GBE1: variants seen among roughly 807,000 people sequenced by gnomAD.
GBE1 encodes the protein 1,4-alpha-glucan branching enzyme 1, also known as 1,4-alpha-glucan-branching enzyme.
A neutral mutation model predicts 88.8 loss-of-function variants in GBE1; 70 were observed. The ratio of observed to expected loss-of-function variants is 0.79; its 90% CI spans 0.65 to 0.96. The LOEUF (loss-of-function observed/expected upper bound fraction) is 0.96. Among genes scored for constraint, GBE1 ranks in the 40% least tolerant of loss-of-function variants. The pLI is 0.00. For synonymous variants in GBE1, 284 were observed against 300.1 expected (o/e 0.95, Z 0.56); for missense variants, 872 against 871.0 (o/e 1.00, Z -0.01).
chr3:81,591,245 T>C lies in GBE1; in HGVS notation c.1109-81A>G. On this transcript the variant is annotated intron_variant, in intron 8 of 15. Coordinates refer to ENST00000429644, the MANE Select transcript of GBE1 (RefSeq NM_000158.4). The stretch of plus-strand genomic sequence containing the variant: ...TGCACAAATACATTCACCAATTAGT[T>C]TGTTTATATGAATTTTGTTATTGTA... 7.2e-6 allele frequency: 8 copies of C among 1,113,158 alleles called. No homozygotes were observed. The South Asian group carries it at 1.5e-4, about 21-fold the overall frequency. 69.0% of individuals were successfully genotyped at this position (1,113,158 alleles called of 1,614,324 possible).
At chr3:81,643,703 C>T (rs1403453719) in intron 6 of GBE1, among the ~76,000 whole-genome samples, 1 of 152,160 alleles carries the variant, frequency 6.6e-6, no homozygotes, top group African/African-American at 2.4e-5. Flanking sequence ...CTTCCTCACT[C>T]GACTATATGC....
intron 6 of GBE1, among the ~76,000 whole-genome samples, chr3:81,646,101 G>A (rs1053007225): frequency 6.6e-6 from 1 of 152,118 alleles, no homozygotes; most frequent in Admixed American, 6.6e-5. Flanking sequence ...GGCTTTCATA[G>A]GAAAAGATTT....
chr3:81,537,979 C>G (rs577724994), intron 12 of GBE1, among the ~76,000 whole-genome samples: 1 of 151,984 alleles, frequency 6.6e-6, no homozygotes, highest in South Asian at 2.1e-4. Flanking sequence ...AGTCATCTAA[C>G]CGATTGGTTT....
chr3:81,694,263 A>G (rs1185256181), intron 2 of GBE1, among the ~76,000 whole-genome samples: 1 of 152,144 alleles, frequency 6.6e-6, no homozygotes, highest in Non-Finnish European at 1.5e-5. Context: ...GGAAAAAGGG[A>G]GGAGAGAAGA....
chr3:81,632,211 G>A (rs1451936564), intron 7 of GBE1, among the ~76,000 whole-genome samples: 2 of 152,106 alleles, frequency 1.3e-5, no homozygotes, highest in African/African-American at 4.8e-5. Flanking sequence ...GTCTAATATT[G>A]ATGGGCATTT....
chr3:81,750,587 A>ATG lies in GBE1; in HGVS notation c.143+10787_143+10788insCA, dbSNP rs1559708533. On this transcript the variant is annotated intron_variant, in intron 1 of 15. Transcript: ENST00000429644. ...TGTATATATATATACGTATATATAT[A>ATG]CGTATATATATATGTGTATATATAT... is the stretch of plus-strand genomic sequence containing the variant. Among the ~76,000 whole-genome samples the ATG allele has an allele frequency of 3.2e-4, 16 of 50,170 alleles. 1 individual carries two copies. Among genetic ancestry groups the ATG allele is most frequent in the African/African-American group, 1.8e-3 (16 of 8,916 alleles). 32.9% of individuals were successfully genotyped at this position (50,170 alleles called of 152,430 possible).
At chr3:81,493,737 T>C (rs1311015564) in intron 15 of GBE1, among the ~76,000 whole-genome samples, 2 of 151,866 alleles carry the variant, frequency 1.3e-5, no homozygotes, top group African/African-American at 4.8e-5. Context: ...GGTTTCTCCA[T>C]GTTGGTAAGG....
chr3:81,707,911 T>G (rs1207798041), intron 1 of GBE1, among the ~76,000 whole-genome samples: 4 of 151,918 alleles, frequency 2.6e-5, no homozygotes, highest in African/African-American at 9.7e-5. Flanking sequence ...TATAAAAATA[T>G]CAAGAATGAT....
intron 1 of GBE1, among the ~76,000 whole-genome samples, chr3:81,721,968 AG>A (rs1429070537): frequency 8.5e-5 from 13 of 152,218 alleles, no homozygotes; most frequent in African/African-American, 2.9e-4. Context: ...TACTTTACTA[AG>A]GGCACTCAGC....
At chr3:81,707,702 T>A (rs191325880) in intron 1 of GBE1, among the ~76,000 whole-genome samples, 1 of 152,092 alleles carries the variant, frequency 6.6e-6, no homozygotes, top group African/African-American at 2.4e-5. Context: ...TTATACTTTT[T>A]AATTTCTTTA....
chr3:81,541,408 C>T (rs1296718110), intron 12 of GBE1, among the ~76,000 whole-genome samples: 1 of 139,166 alleles, frequency 7.2e-6, no homozygotes, highest in African/African-American at 2.8e-5. Context: ...AATTCACATG[C>T]TTATAATCTA....
intron 7 of GBE1, among the ~76,000 whole-genome samples, chr3:81,597,230 G>C (rs1273219879): frequency 6.6e-6 from 1 of 151,610 alleles, no homozygotes; most frequent in Non-Finnish European, 1.5e-5. Context: ...CAGTTGATTA[G>C]AATCTCATAA....
rs559810282 is a variant in GBE1, at chr3:81,559,215, C to T, written c.1618+18710G>A. The stretch of plus-strand genomic sequence containing the variant: ...ACAAAGTAGAACATTTAGTAAAATG[C>T]GAATGCCTAGGCTAGGACTAAAATC... On this transcript the variant is annotated intron_variant, in intron 12 of 15. Coordinates refer to ENST00000429644, the MANE Select transcript of GBE1 (RefSeq NM_000158.4). Among the ~76,000 whole-genome samples, 10 of 151,974 alleles carry T rather than the reference C, an allele frequency of 6.6e-5. No homozygotes were observed. In the South Asian group the frequency reaches 8.3e-4, roughly 13 times the overall value.
At chr3:81,705,701 T>C in intron 1 of GBE1, 88 bp from the exon 2 acceptor site, 1 of 800,590 alleles carries the variant, frequency 1.2e-6, no homozygotes, top group Non-Finnish European at 1.9e-6. Context: ...TTTAGTCTTA[T>C]TCAGGGAAAA....
chr3:81,599,744 AG>A (rs1281987890), intron 7 of GBE1, among the ~76,000 whole-genome samples: 2 of 152,330 alleles, frequency 1.3e-5, no homozygotes, highest in Admixed American at 6.5e-5. Context: ...TTTTCAAACA[AG>A]TTTAAAAAAT....
chr3:81,735,624 CCCAGGGATTAAT>C (rs1176574172), intron 1 of GBE1, among the ~76,000 whole-genome samples: 5 of 152,188 alleles, frequency 3.3e-5, no homozygotes, highest in African/African-American at 1.2e-4. Flanking sequence ...CTGCGGTCCC[CCCAGGGATTAAT>C]CCAGGACCCA....
intron 7 of GBE1, among the ~76,000 whole-genome samples, chr3:81,626,698 C>T (rs1704421199): frequency 6.8e-6 from 1 of 147,660 alleles, no homozygotes; most frequent in Non-Finnish European, 1.5e-5. Flanking sequence ...AGACTAGAGC[C>T]AGATCCTTCA....
chr3:81,519,789 A>T (rs984446029), intron 14 of GBE1, among the ~76,000 whole-genome samples: 10 of 151,532 alleles, frequency 6.6e-5, no homozygotes, highest in Non-Finnish European at 1.3e-4. Context: ...ATCACCAAGA[A>T]GAATTTCTGG....
chr3:81,612,242 A>AAAAAG, intron 7 of GBE1: 1 of 532,362 alleles, frequency 1.9e-6, no homozygotes, highest in Non-Finnish European at 2.9e-6. Flanking sequence ...AAAAAAAAAA[A>AAAAAG]ACTTAAAGAA....
Sources: allele counts gnomAD v4.1 joint callset (sites outside exome capture counted in the v4.1 genomes callset), GRCh38; gene constraint gnomAD v4.1.1; transcripts MANE v1.5; gene names NCBI Gene and HGNC (gene_info 2026-07-23, HGNC 2026-07-21).